Variants in NALF1 observed in about 807,000 individuals in gnomAD.
The protein encoded by NALF1 is family with sequence similarity 155 member A.
NALF1 carries 3 observed loss-of-function variants against 48.4 expected under a neutral mutation model. The observed-to-expected ratio is 0.06, with a 90% CI of 0.03 to 0.16. The LOEUF (loss-of-function observed/expected upper bound fraction) is 0.16. Among genes scored for constraint, NALF1 ranks in the 10% least tolerant of loss-of-function variants. The pLI is 1.00. For missense variants in NALF1, 526 were observed against 571.5 expected, an observed-to-expected ratio of 0.92 and a Z score of 0.81; for synonymous variants, 262 against 245.7, an observed-to-expected ratio of 1.07 and a Z score of -0.62.
chr13:107,224,781 T>C (rs1566456664), intron 1 of NALF1, among the ~76,000 whole-genome samples: 1 of 152,160 alleles, frequency 6.6e-6, no homozygotes, highest in Non-Finnish European at 1.5e-5. Flanking sequence ...AATACACAAA[T>C]CTCACACTGA....
At chr13:107,325,851 CACACATATATATATATATATAT>C (rs1281136608) in intron 1 of NALF1, among the ~76,000 whole-genome samples, 1 of 51,984 alleles carries the variant, frequency 1.9e-5, no homozygotes, top group Non-Finnish European at 3.5e-5. Context: ...AACACACACA[CACACATATATATATATATATAT>C]ATATATATAT....
chr13:107,815,538 G>A (rs970572733), intron 1 of NALF1, among the ~76,000 whole-genome samples: 1 of 152,116 alleles, frequency 6.6e-6, no homozygotes, highest in African/African-American at 2.4e-5. Context: ...GTGAAGAGAT[G>A]GGGACCCTTG....
intron 1 of NALF1, among the ~76,000 whole-genome samples, chr13:107,440,218 C>T (rs759590595): frequency 5.3e-5 from 8 of 152,112 alleles, no homozygotes; most frequent in African/African-American, 9.7e-5. Flanking sequence ...CAATTAAACA[C>T]TTTGTCGACA....
At chr13:107,834,792 T>C (rs2138630196) in intron 1 of NALF1, among the ~76,000 whole-genome samples, 1 of 152,354 alleles carries the variant, frequency 6.6e-6, no homozygotes, top group East Asian at 1.9e-4. Context: ...CAAAACATTG[T>C]TCATCTGTAG....
At chr13:107,467,951 G>A (rs1594078785) in intron 1 of NALF1, among the ~76,000 whole-genome samples, 1 of 151,968 alleles carries the variant, frequency 6.6e-6, no homozygotes, top group Non-Finnish European at 1.5e-5. Context: ...GGGAGGCTGA[G>A]GCAGGAGAAT....
intron 1 of NALF1, among the ~76,000 whole-genome samples, chr13:107,847,662 C>A (rs1880208458): frequency 1.3e-5 from 2 of 152,166 alleles, no homozygotes; most frequent in South Asian, 4.1e-4. Context: ...AGATCCTCAG[C>A]TCAACAGCTC....
intron 1 of NALF1, among the ~76,000 whole-genome samples, chr13:107,387,769 A>G (rs1211837771): frequency 6.6e-6 from 1 of 152,226 alleles, no homozygotes; most frequent in Non-Finnish European, 1.5e-5. Context: ...AGCTGCCCTC[A>G]TTTTGCATAA....
rs143384855 is a variant in NALF1 at position 107,833,447 on chromosome 13, C to T, written c.915+32235G>A. On this transcript the variant is annotated intron_variant, in intron 1 of 2. Coordinates refer to ENST00000375915, the MANE Select transcript of NALF1 (RefSeq NM_001080396.3). ...TAGGATTATTTTTGGAAAACTATTC[C>T]TGCTAGCTGTCTTACACTGTTACTT... is the stretch of plus-strand genomic sequence containing the variant. Among the ~76,000 whole-genome samples the T allele has an allele frequency of 2.5e-4, 38 of 152,284 alleles. 1 individual carries two copies. Among genetic ancestry groups the T allele is most frequent in the African/African-American group, 8.4e-4 (35 of 41,568 alleles).
intron 1 of NALF1, among the ~76,000 whole-genome samples, chr13:107,225,734 C>T (rs905216779): frequency 6.6e-6 from 1 of 152,266 alleles, no homozygotes; most frequent in African/African-American, 2.4e-5. Flanking sequence ...AATCAACCTG[C>T]TCTTTCCATA....
intron 1 of NALF1, among the ~76,000 whole-genome samples, chr13:107,787,151 A>G (rs964609967): frequency 1.3e-5 from 2 of 152,234 alleles, no homozygotes; most frequent in African/African-American, 4.8e-5. Flanking sequence ...ATATTAAACT[A>G]TCATCACTAT....
chr13:107,211,099 T>C (rs575665917), intron 1 of NALF1, among the ~76,000 whole-genome samples: 1 of 152,334 alleles, frequency 6.6e-6, no homozygotes, highest in South Asian at 2.1e-4. Flanking sequence ...ATTGACTCTA[T>C]TGCTCTTCTG....
chr13:107,606,648 G>A (rs561092161), intron 1 of NALF1, among the ~76,000 whole-genome samples: 1 of 152,208 alleles, frequency 6.6e-6, no homozygotes, highest in South Asian at 2.1e-4. Flanking sequence ...TTACAGGCAT[G>A]AGCCACTGCG....
At chr13:107,549,228 A>G (rs1325468854) in intron 1 of NALF1, among the ~76,000 whole-genome samples, 2 of 152,188 alleles carry the variant, frequency 1.3e-5, no homozygotes, top group East Asian at 3.9e-4. Flanking sequence ...CATTCCTTAC[A>G]TTTATCAATT....
intron 1 of NALF1, among the ~76,000 whole-genome samples, chr13:107,391,201 T>C (rs1883621499): frequency 6.6e-6 from 1 of 152,064 alleles, no homozygotes; most frequent in South Asian, 2.1e-4. Flanking sequence ...TGGAAGCACC[T>C]CCTCCTTCTC....
At chr13:107,361,588 T>C (rs1435072504) in intron 1 of NALF1, among the ~76,000 whole-genome samples, 1 of 151,182 alleles carries the variant, frequency 6.6e-6, no homozygotes, top group East Asian at 2.0e-4. Flanking sequence ...AGAGAAGAAA[T>C]AATGCAGGAG....
chr13:107,462,783 A>G (rs565381267), intron 1 of NALF1, among the ~76,000 whole-genome samples: 6 of 152,198 alleles, frequency 3.9e-5, no homozygotes, highest in Non-Finnish European at 5.9e-5. Flanking sequence ...TGAGAGAAGC[A>G]TGTGCTGTCT....
intron 1 of NALF1, among the ~76,000 whole-genome samples, chr13:107,410,911 C>T (rs1482614072): frequency 2.0e-5 from 3 of 152,062 alleles, no homozygotes; most frequent in African/African-American, 2.4e-5. Context: ...TTTTAAAATG[C>T]CCAGTTCACG....
At chr13:107,458,632 C>G (rs1884865875) in intron 1 of NALF1, among the ~76,000 whole-genome samples, 1 of 151,946 alleles carries the variant, frequency 6.6e-6, no homozygotes, top group African/African-American at 2.4e-5. Context: ...TTTAACAAAC[C>G]CCTGGACTTC....
intron 1 of NALF1, among the ~76,000 whole-genome samples, chr13:107,851,603 G>A (rs575585766): frequency 2.6e-5 from 4 of 152,046 alleles, no homozygotes; most frequent in East Asian, 1.9e-4. Context: ...GAGAAACGAC[G>A]ACCCTTTCTT....
Sources: allele counts gnomAD v4.1 joint callset (sites outside exome capture counted in the v4.1 genomes callset), GRCh38; gene constraint gnomAD v4.1.1; transcripts MANE v1.5; gene names NCBI Gene and HGNC (gene_info 2026-07-23, HGNC 2026-07-21).